Variants in PPP1R1C observed in about 807,000 individuals in gnomAD.
The protein encoded by PPP1R1C is protein phosphatase 1 regulatory inhibitor subunit 1C.
PPP1R1C carries 15 observed loss-of-function variants against 17.4 expected under a neutral mutation model. The observed-to-expected ratio is 0.86, with a 90% CI of 0.58 to 1.33. The LOEUF (loss-of-function observed/expected upper bound fraction) is 1.33. Among genes scored for constraint, PPP1R1C ranks in the 40% most tolerant of loss-of-function variants. The pLI is 0.00. For missense variants in PPP1R1C, 143 were observed against 130.0 expected, an observed-to-expected ratio of 1.10 and a Z score of -0.48; for synonymous variants, 35 against 43.1, an observed-to-expected ratio of 0.81 and a Z score of 0.73.
chr2:182,037,057 A>G (rs1687033120), intron 2 of PPP1R1C, among the ~76,000 whole-genome samples: 2 of 152,252 alleles, frequency 1.3e-5, no homozygotes, highest in Admixed American at 6.5e-5. Flanking sequence ...AGGCTTGAAA[A>G]TAACATACCA....
exon 6 of PPP1R1C, chr2:182,129,345 G>T (rs886620252): frequency 2.0e-5 from 3 of 152,010 alleles, no homozygotes; most frequent in African/African-American, 7.2e-5. Flanking sequence ...TTACAACAGG[G>T]AGTCTTTCAA....
At chr2:182,080,324 A>G (rs1006255844) in intron 4 of PPP1R1C, among the ~76,000 whole-genome samples, 1 of 152,206 alleles carries the variant, frequency 6.6e-6, no homozygotes, top group Admixed American at 6.5e-5. Context: ...GGATCCTCCA[A>G]TTCCTGTAAA....
intron 4 of PPP1R1C, among the ~76,000 whole-genome samples, chr2:182,074,186 C>G (rs1478624147): frequency 6.6e-6 from 1 of 151,802 alleles, no homozygotes; most frequent in Non-Finnish European, 1.5e-5. Flanking sequence ...GGACTACAGG[C>G]GCCCGCCATC....
At position 181,976,790 on chromosome 2, in the gene PPP1R1C, C is replaced by A. The variant is rs1195337622; in HGVS notation, n.157+1526C>A. Among the ~76,000 whole-genome samples, 1 of 152,072 alleles carries A rather than the reference C, an allele frequency of 6.6e-6. No individual in the cohort carries two copies. The highest frequency in any genetic ancestry group is 2.4e-5 in the African/African-American group (1 of 41,410). On this transcript the variant is annotated intron_variant and non_coding_transcript_variant, in intron 2 of 5. Coordinates refer to the PPP1R1C transcript ENST00000464264. The surrounding 1 kb of genome is among the most constrained non-coding windows in gnomAD (Gnocchi z 4.8). The stretch of plus-strand genomic sequence containing the variant: ...TTGCTCTTGCTCTCTACTGTAAGGT[C>A]CCATGTTTGAAGGAGGCTTTCTTTT...
chr2:182,094,671 T>C (rs1325694239), intron 4 of PPP1R1C, among the ~76,000 whole-genome samples: 1 of 152,174 alleles, frequency 6.6e-6, no homozygotes, highest in East Asian at 1.9e-4. Context: ...TGCCCAACTG[T>C]AGGCTAATGT....
intron 4 of PPP1R1C, among the ~76,000 whole-genome samples, chr2:182,103,150 G>A (rs1689148306): frequency 6.6e-6 from 1 of 152,056 alleles, no homozygotes; most frequent in African/African-American, 2.4e-5. Context: ...AAAGTTGGGG[G>A]GAGGTTCTGA....
At chr2:182,083,284 A>G (rs1019365156) in intron 4 of PPP1R1C, among the ~76,000 whole-genome samples, 6 of 152,182 alleles carry the variant, frequency 3.9e-5, no homozygotes, top group African/African-American at 1.2e-4. Flanking sequence ...TTAGAGGTAC[A>G]GGTGGTTTTT....
chr2:182,016,497 G>A (rs896681249), intron 2 of PPP1R1C, among the ~76,000 whole-genome samples: 2 of 152,016 alleles, frequency 1.3e-5, no homozygotes. Flanking sequence ...TCTTTATCTG[G>A]AATATAGTGT....
chr2:182,072,991 C>T (rs1574428517), intron 4 of PPP1R1C, among the ~76,000 whole-genome samples: 1 of 152,200 alleles, frequency 6.6e-6, no homozygotes, highest in African/African-American at 2.4e-5. Flanking sequence ...TGCCTCTTCA[C>T]TCCTGTCCTG....
In PPP1R1C at chr2:182,117,403, G is replaced by T; in HGVS notation, c.*108G>T. On this transcript the variant is annotated 3_prime_UTR_variant, in exon 5 of 5. Coordinates refer to ENST00000682840, the MANE Select transcript of PPP1R1C (RefSeq NM_001080545.3). Reference sequence around the variant, plus strand: ...ACTTCCAGAAGCATCCTCCATCTCTGCACCCCACACTCATACAGTAGCTAT... The same window carrying T: ...ACTTCCAGAAGCATCCTCCATCTCTTCACCCCACACTCATACAGTAGCTAT... The T allele has an allele frequency of 1.3e-6, 1 of 755,580 alleles. No individual in the cohort carries two copies. Among genetic ancestry groups the T allele is most frequent in the Non-Finnish European group, 2.2e-6 (1 of 452,520 alleles). The allele number at this position is 755,580 out of a possible 1,614,324, so 46.8% of individuals were successfully genotyped here. A position where few individuals can be genotyped will look rare whatever the true frequency, so the allele number is the denominator to read the frequency against.
At chr2:182,029,591 C>G (rs1405489588) in intron 2 of PPP1R1C, among the ~76,000 whole-genome samples, 2 of 138,374 alleles carry the variant, frequency 1.4e-5, no homozygotes, top group African/African-American at 5.6e-5. Context: ...CGCTGTTAGT[C>G]TGATGGGCTT....
chr2:182,058,426 C>T (rs1687752294), intron 2 of PPP1R1C, among the ~76,000 whole-genome samples: 1 of 151,996 alleles, frequency 6.6e-6, no homozygotes, highest in African/African-American at 2.4e-5. Context: ...ACTTGTGTTG[C>T]CCTTGGTCAC....
intron 4 of PPP1R1C, among the ~76,000 whole-genome samples, chr2:182,066,633 A>G (rs1221595322): frequency 6.6e-6 from 1 of 152,166 alleles, no homozygotes; most frequent in Admixed American, 6.6e-5. Flanking sequence ...GCTAACCATG[A>G]GTCATAAATT....
intron 1 of PPP1R1C, among the ~76,000 whole-genome samples, chr2:181,987,529 A>T (rs572021871): frequency 6.6e-6 from 1 of 152,352 alleles, no homozygotes; most frequent in Admixed American, 6.5e-5. Context: ...AGCCACTAAC[A>T]TTATCAGGTC....
At chr2:182,013,409 G>A (rs1483730715) in intron 2 of PPP1R1C, among the ~76,000 whole-genome samples, 1 of 152,080 alleles carries the variant, frequency 6.6e-6, no homozygotes, top group Admixed American at 6.6e-5. Context: ...CAGATATATT[G>A]TAGCTCTGTT....
At chr2:181,968,348 A>C (rs1159789096) in intron 1 of PPP1R1C, among the ~76,000 whole-genome samples, 1 of 152,192 alleles carries the variant, frequency 6.6e-6, no homozygotes, top group Admixed American at 6.5e-5. Context: ...TAATGCTAGT[A>C]ATATTTGCTT....
chr2:182,118,656 A>G (rs1247062894), downstream of PPP1R1C, among the ~76,000 whole-genome samples: 1 of 86,532 alleles, frequency 1.2e-5, no homozygotes, highest in Non-Finnish European at 2.5e-5. Context: ...TTATGGAGCT[A>G]TAAAGAATGC....
intron 2 of PPP1R1C, among the ~76,000 whole-genome samples, chr2:182,030,368 G>C (rs1477505326): frequency 1.3e-5 from 2 of 152,014 alleles, no homozygotes; most frequent in African/African-American, 2.4e-5. Context: ...TCTTTGATGA[G>C]GGTGATGTAC....
intron 1 of PPP1R1C, 61 bp downstream of exon 1, chr2:181,986,252 G>A: frequency 8.0e-7 from 1 of 1,256,186 alleles, no homozygotes. Flanking sequence ...ATGCATTCTG[G>A]TTATTAATTG....
Sources: gnomAD v4.1 joint callset for allele counts (sites outside exome capture counted in the v4.1 genomes callset) on GRCh38, gnomAD v4.1.1 for gene constraint, Gnocchi (gnomAD v3.1) non-coding constraint, MANE v1.5 for transcripts, NCBI Gene and HGNC (gene_info 2026-07-23, HGNC 2026-07-21) for gene names.